Variants in EPRS1 observed in about 807,000 individuals in gnomAD.
EPRS1 encodes glutamyl-prolyl-tRNA synthetase 1, also known as bifunctional glutamate/proline--tRNA ligase.
In EPRS1, 107 loss-of-function variants were observed where a neutral mutation model predicts 188.3. The ratio of observed to expected loss-of-function variants is 0.57; its 90% CI spans 0.49 to 0.67. EPRS1 has a LOEUF of 0.67. Ranked by LOEUF, EPRS1 falls within the 30% of genes least tolerant of loss-of-function variation. The pLI is 0.00. For missense variants in EPRS1, 1,577 were observed against 1,802.2 expected, an observed-to-expected ratio of 0.88 and a Z score of 2.26; for synonymous variants, 596 against 593.1, an observed-to-expected ratio of 1.00 and a Z score of -0.07.
At chr1:219,984,036 T>A (rs552701801) in intron 21 of EPRS1, among the ~76,000 whole-genome samples, 170 bp downstream of exon 21, 1 of 152,346 alleles carries the variant, frequency 6.6e-6, no homozygotes, top group Admixed American at 6.5e-5. Flanking sequence ...TTCAAGACTT[T>A]ATGTTAACAT....
intron 20 of EPRS1, 89 bp from the exon 21 acceptor site, chr1:219,984,346 TTAGTC>T: frequency 1.2e-6 from 1 of 861,016 alleles, no homozygotes; most frequent in Non-Finnish European, 2.0e-6. Context: ...TCAAAATAGA[TTAGTC>T]TTTCTTCAGT....
rs113869237 is a variant in EPRS1 at position 219,997,168 on chromosome 1, A to T, written c.2356T>A (p.Ser786Thr). The change falls in exon 18 of 32, where the codon TCT becomes ACT. Residue 786 changes from serine (S) to threonine (T), a missense_variant. Transcript: ENST00000366923. ...TTCTCCTTATATTCAGCTTTCAAAG[A>T]CAAAAGCTGTTTTACAGCTGCATCT... ...DVDAAVKQLL[S>T]LKAEYKEKTG... 1 of 1,613,896 alleles carries T rather than the reference A, an allele frequency of 6.2e-7. No homozygotes were observed. Among genetic ancestry groups the T allele is most frequent in the African/African-American group, 1.3e-5 (1 of 74,928 alleles).
intron 16 of EPRS1, among the ~76,000 whole-genome samples, chr1:220,001,799 C>T (rs778768354): frequency 1.3e-5 from 2 of 152,118 alleles, no homozygotes; most frequent in African/African-American, 2.4e-5. Flanking sequence ...GAGGCCAAGG[C>T]GGGTGGATTG....
chr1:219,981,945 A>G (rs1395863054), intron 23 of EPRS1, among the ~76,000 whole-genome samples: 1 of 152,226 alleles, frequency 6.6e-6, no homozygotes, highest in Non-Finnish European at 1.5e-5. Context: ...ATTAATTTAT[A>G]TCTGATGCAT....
chr1:219,980,608 T>C (rs1389023167), intron 25 of EPRS1, 148 bp downstream of exon 25: 2 of 571,402 alleles, frequency 3.5e-6, no homozygotes, highest in African/African-American at 3.8e-5. Flanking sequence ...AATAATAACA[T>C]TCCAATAAGC....
At chr1:220,007,764 C>T (rs1311188609) in intron 13 of EPRS1, among the ~76,000 whole-genome samples, 6 of 152,156 alleles carry the variant, frequency 3.9e-5, no homozygotes, top group African/African-American at 7.2e-5. Context: ...TGTTTCCTAT[C>T]CTTAGAATCC....
At chr1:220,018,199 A>C (rs1182444887) in intron 12 of EPRS1, 2 of 1,350,886 alleles carry the variant, frequency 1.5e-6, no homozygotes, top group Non-Finnish European at 1.0e-6. Flanking sequence ...TTAAGGAAAA[A>C]AATATTACTG....
chr1:220,011,105 C>A, intron 12 of EPRS1, 49 bp from the exon 13 acceptor site: 1 of 1,056,206 alleles, frequency 9.5e-7, no homozygotes, highest in Non-Finnish European at 1.5e-6. Context: ...TCTTATAGAG[C>A]GCCATAAGCA....
intron 18 of EPRS1, among the ~76,000 whole-genome samples, chr1:219,993,615 C>T (rs995430444): frequency 6.6e-6 from 1 of 152,188 alleles, no homozygotes; most frequent in Admixed American, 6.5e-5. Flanking sequence ...TTTAACATGA[C>T]ATAGTAAAAT....
chr1:220,041,674 C>T (rs953961963), intron 1 of EPRS1, among the ~76,000 whole-genome samples: 2 of 152,116 alleles, frequency 1.3e-5, no homozygotes, highest in African/African-American at 4.8e-5. Flanking sequence ...AACCCCATCT[C>T]CACTAAAAAT....
In EPRS1 at chr1:220,020,174, T is replaced by C. The variant is rs756170876; in HGVS notation, c.1163A>G (p.Glu388Gly). ...DFACPIVDSI[E>G]GVTHALRTTE... ...TGTTCTCAGGGCATGTGTAACACCTTCGATGCTGTCAACTATGGGGCAGGC... is the reference window on the plus strand; with the variant it reads ...TGTTCTCAGGGCATGTGTAACACCTCCGATGCTGTCAACTATGGGGCAGGC... The change falls in exon 10 of 32, where the codon GAA (glutamate) becomes GGA (glycine). Residue 388 changes from glutamate to glycine, a missense_variant. By Grantham distance (98) the Glu-to-Gly change is moderately conservative (BLOSUM62 -2). This residue lies in a region of EPRS1 where 1,278 missense variants were observed against 1,457.4 expected (regional missense o/e 0.88). Transcript: ENST00000366923. 6.2e-7 allele frequency: 1 copy of C among 1,614,044 alleles called. No individual in the cohort carries two copies. Among genetic ancestry groups the C allele is most frequent in the Non-Finnish European group, 8.5e-7 (1 of 1,179,968 alleles).
At chr1:219,979,017 C>G (rs1262088108) in intron 27 of EPRS1, among the ~76,000 whole-genome samples, 2 of 151,988 alleles carry the variant, frequency 1.3e-5, no homozygotes, top group Non-Finnish European at 2.9e-5. Flanking sequence ...GTGCATGCCA[C>G]CACACCTGGC....
intron 12 of EPRS1, among the ~76,000 whole-genome samples, chr1:220,016,118 G>A (rs773441570): frequency 1.1e-4 from 16 of 152,166 alleles, no homozygotes; most frequent in Non-Finnish European, 1.9e-4. Context: ...GGCTGAGGTG[G>A]GCGGATCACG....
intron 28 of EPRS1, among the ~76,000 whole-genome samples, chr1:219,976,330 A>G (rs562786926): frequency 1.5e-4 from 23 of 152,358 alleles, no homozygotes; most frequent in African/African-American, 5.3e-4. Context: ...AAAGATACAT[A>G]ATAACTACAT....
intron 1 of EPRS1, among the ~76,000 whole-genome samples, chr1:220,042,354 G>A (rs1438274551): frequency 4.2e-5 from 6 of 141,442 alleles, no homozygotes; most frequent in Non-Finnish European, 9.3e-5. Context: ...GTGGTGGCAT[G>A]TGCCTGTAGT....
At chr1:220,022,187 C>T (rs554623773) in intron 9 of EPRS1, among the ~76,000 whole-genome samples, 160 bp downstream of exon 9, 41 of 152,208 alleles carry the variant, frequency 2.7e-4, no homozygotes, top group African/African-American at 8.9e-4. Context: ...GTAAACGGCC[C>T]GTGAAAGGCT....
intron 20 of EPRS1, among the ~76,000 whole-genome samples, chr1:219,986,920 T>C (rs2789796): frequency 0.6 from 91,601 of 151,982 alleles, 28,649 homozygotes; most frequent in Non-Finnish European, 0.7. Flanking sequence ...ATGGGAAACA[T>C]GCACAGGAAC....
At chr1:220,031,532 A>T (rs914585762) in intron 5 of EPRS1, among the ~76,000 whole-genome samples, 5 of 152,258 alleles carry the variant, frequency 3.3e-5, no homozygotes, top group African/African-American at 1.2e-4. Flanking sequence ...GTGAAGGATG[A>T]GTAAAGATTT....
chr1:220,024,264 G>A lies in EPRS1; in HGVS notation c.943C>T (p.Pro315Ser), dbSNP rs761491680. ...QRIDSKHRKNPIEKNLQMWEE... is the reference protein window; with the variant it reads ...QRIDSKHRKNSIEKNLQMWEE... Reference sequence around the variant, plus strand: ...TAAAATATAAAACAATGTGGCTTACGGTTTTTTCTATGTTTAGAGTCTATC... The same window carrying A: ...TAAAATATAAAACAATGTGGCTTACAGTTTTTTCTATGTTTAGAGTCTATC... Residue 315 changes from proline (P) to serine (S), a missense_variant and splice_region_variant, in exon 8 of 32, where the codon CCT becomes TCT. This residue lies in a region of EPRS1 where 1,278 missense variants were observed against 1,457.4 expected (regional missense o/e 0.88). Coordinates refer to ENST00000366923, the MANE Select transcript of EPRS1 (RefSeq NM_004446.3). The A allele has an allele frequency of 1.9e-5, 29 of 1,559,376 alleles. No individual in the cohort carries two copies. The highest frequency in any genetic ancestry group is 6.9e-5 in the African/African-American group (5 of 72,222).
Sources: gnomAD v4.1 joint callset for allele counts (sites outside exome capture counted in the v4.1 genomes callset) on GRCh38, gnomAD v4.1.1 for gene constraint, gnomAD v4.1.1 regional missense constraint, MANE v1.5 for transcripts, NCBI Gene and HGNC (gene_info 2026-07-23, HGNC 2026-07-21) for gene names.